The following NEK6 variants were observed in gnomAD, a reference collection of about 807,000 sequenced individuals.
NEK6 encodes the protein NIMA related kinase 6, also known as serine/threonine-protein kinase Nek6.
A neutral mutation model predicts 43.5 loss-of-function variants in NEK6; 27 were observed. That is an observed-to-expected ratio of 0.62 (90% CI 0.46 to 0.86). The LOEUF (loss-of-function observed/expected upper bound fraction) is 0.86, where lower values mean the gene tolerates loss of function less well. Ranked by LOEUF, NEK6 falls within the 40% of genes least tolerant of loss-of-function variation. The pLI, the probability that NEK6 is intolerant of heterozygous loss-of-function variation, is 0.00. For synonymous variants in NEK6, 167 were observed against 164.1 expected (o/e 1.02, Z -0.14); for missense variants, 318 against 414.4 (o/e 0.77, Z 2.02).
intron 1 of NEK6, chr9:124,292,417 G>A: frequency 5.9e-6 from 9 of 1,534,490 alleles, no homozygotes; most frequent in South Asian, 2.4e-5. Flanking sequence ...TCTCTAGGGT[G>A]GGTTTTGTCT....
rs528541144 is a variant in NEK6 at position 124,312,031 on chromosome 9, C to T, written c.91-478C>T. Among the ~76,000 whole-genome samples the T allele has an allele frequency of 2.0e-5, 3 of 152,278 alleles. No individual in the cohort carries two copies. The South Asian group carries it at 6.2e-4, about 32-fold the overall frequency. On this transcript the variant is annotated intron_variant, in intron 2 of 9. Coordinates refer to ENST00000320246, the MANE Select transcript of NEK6 (RefSeq NM_014397.6). The stretch of plus-strand genomic sequence containing the variant: ...TGGTTTTCTTGTCTGAGATGGGGAA[C>T]GGCTGCCCCAGGAAGGGAACTTGCC...
intron 1 of NEK6, among the ~76,000 whole-genome samples, chr9:124,300,393 G>A (rs1282319130): frequency 6.6e-6 from 1 of 152,134 alleles, no homozygotes; most frequent in Non-Finnish European, 1.5e-5. Flanking sequence ...GTTAATGGGG[G>A]CGTGGGTCTA....
At chr9:124,267,017 G>A (rs887327969) in intron 1 of NEK6, among the ~76,000 whole-genome samples, 2 of 152,240 alleles carry the variant, frequency 1.3e-5, no homozygotes, top group Admixed American at 6.5e-5. Flanking sequence ...CTGCATAGGA[G>A]GGCTTTGGGT....
intron 1 of NEK6, among the ~76,000 whole-genome samples, chr9:124,288,326 G>A (rs1472893574): frequency 6.6e-6 from 1 of 152,140 alleles, no homozygotes; most frequent in Non-Finnish European, 1.5e-5. Flanking sequence ...GAGTGCAGTG[G>A]CGCGACCTCA....
At chr9:124,302,810 G>C (rs1440668529) in intron 2 of NEK6, among the ~76,000 whole-genome samples, 2 of 152,240 alleles carry the variant, frequency 1.3e-5, no homozygotes, top group African/African-American at 2.4e-5. Context: ...ATCTCACTGG[G>C]GCACTAGTTC....
intron 1 of NEK6, among the ~76,000 whole-genome samples, chr9:124,296,860 C>T (rs1266564274): frequency 6.6e-6 from 1 of 152,228 alleles, no homozygotes; most frequent in African/African-American, 2.4e-5. Context: ...GAGGCAAGGG[C>T]CCAATGACAG....
At chr9:124,313,795 G>C (rs578109303) in intron 3 of NEK6, 128 bp from the exon 4 acceptor site, 40 of 853,188 alleles carry the variant, frequency 4.7e-5, no homozygotes, top group South Asian at 6.3e-5. Flanking sequence ...GGGAGTGCAG[G>C]GGGGGGTCAC....
At chr9:124,281,170 T>C (rs1831886044) in intron 1 of NEK6, among the ~76,000 whole-genome samples, 1 of 152,244 alleles carries the variant, frequency 6.6e-6, no homozygotes, top group South Asian at 2.1e-4. Context: ...TGGGGGCCTC[T>C]TCCCTCAGAC....
intron 1 of NEK6, among the ~76,000 whole-genome samples, chr9:124,269,614 C>G (rs758323071): frequency 1.3e-5 from 2 of 152,018 alleles, no homozygotes; most frequent in Admixed American, 6.6e-5. Context: ...CCGCCTGCCT[C>G]GGTGGACTTT....
chr9:124,316,802 G>A lies in NEK6; in HGVS notation c.294+2817G>A, dbSNP rs1007307070. 3.9e-5 allele frequency among the ~76,000 whole-genome samples: 6 copies of A among 152,222 alleles called. No homozygotes were observed. The South Asian group carries it at 6.2e-4, about 16-fold the overall frequency. On this transcript the variant is annotated intron_variant, in intron 4 of 9. Transcript: ENST00000320246. ...CTTCCTTAACCCCCTGCCCTCAGACGTGCAGGGAAATGGGGGAGGAGTCTC... is the reference window on the plus strand; with the variant it reads ...CTTCCTTAACCCCCTGCCCTCAGACATGCAGGGAAATGGGGGAGGAGTCTC...
chr9:124,303,644 G>T (rs1466466406), intron 2 of NEK6, among the ~76,000 whole-genome samples: 1 of 152,142 alleles, frequency 6.6e-6, no homozygotes, highest in African/African-American at 2.4e-5. Context: ...GGGTCCATGG[G>T]GCATCTATGC....
intron 7 of NEK6, among the ~76,000 whole-genome samples, chr9:124,331,274 C>CAAAAA (rs56150651): frequency 7.4e-6 from 1 of 135,168 alleles, no homozygotes; most frequent in African/African-American, 2.7e-5. Flanking sequence ...AAAAAAAAAA[C>CAAAAA]AAAACATTTT....
intron 1 of NEK6, among the ~76,000 whole-genome samples, chr9:124,266,093 T>C (rs1810515944): frequency 6.6e-6 from 1 of 152,152 alleles, no homozygotes; most frequent in African/African-American, 2.4e-5. Flanking sequence ...GCCAGAGGGC[T>C]GAGAGGGCTG....
Position 124,326,719 on chromosome 9 carries a change from G to C in NEK6, c.514+281G>C, listed in dbSNP as rs1164255055. On this transcript the variant is annotated intron_variant, in intron 6 of 9. Coordinates refer to ENST00000320246, the MANE Select transcript of NEK6 (RefSeq NM_014397.6). This position sits in a 1 kb window ranked among gnomAD's most constrained non-coding sequence, Gnocchi z 4.5. ...CTGGGAGGGAGGTCGAGGAAGCCTCGCACAGAGGGGACTTTCATGGGGGCT... is the reference window on the plus strand; with the variant it reads ...CTGGGAGGGAGGTCGAGGAAGCCTCCCACAGAGGGGACTTTCATGGGGGCT... 2.6e-5 allele frequency among the ~76,000 whole-genome samples: 4 copies of C among 152,172 alleles called. No homozygotes were observed. Among genetic ancestry groups the C allele is most frequent in the Admixed American group, 6.5e-5 (1 of 15,292 alleles).
At position 124,327,322 on chromosome 9, in the gene NEK6, TCTC is replaced by T. The variant is rs758215661; in HGVS notation, c.515-12_515-10del. 2.7e-5 allele frequency: 44 copies of T among 1,611,584 alleles called. No individual in the cohort carries two copies. In the East Asian group the frequency reaches 5.6e-4, roughly 20 times the overall value. On this transcript the variant is annotated splice_polypyrimidine_tract_variant and intron_variant, in intron 6 of 9. Transcript: ENST00000320246. Reference sequence around the variant, plus strand: ...GCCTCCTACCCCACACCAATCTCCTTCTCCTCGCCCTGCAGACATCAAGCCTGC... The same window carrying T: ...GCCTCCTACCCCACACCAATCTCCTTCTCGCCCTGCAGACATCAAGCCTGC...
intron 7 of NEK6, among the ~76,000 whole-genome samples, chr9:124,332,016 A>G (rs981676321): frequency 1.1e-4 from 16 of 152,172 alleles, no homozygotes; most frequent in African/African-American, 3.9e-4. Context: ...TGGCAGTCAC[A>G]GGTCTGCCAC....
chr9:124,319,643 T>C (rs1271841628), intron 4 of NEK6, among the ~76,000 whole-genome samples: 1 of 152,212 alleles, frequency 6.6e-6, no homozygotes, highest in African/African-American at 2.4e-5. Flanking sequence ...TGGTGAAAAG[T>C]AGGGGTTCCG....
chr9:124,295,995 T>C (rs1314589854), intron 1 of NEK6, among the ~76,000 whole-genome samples: 1 of 152,260 alleles, frequency 6.6e-6, no homozygotes, highest in Admixed American at 6.5e-5. Flanking sequence ...CCCGTGGATG[T>C]TGGCTGATGT....
chr9:124,290,319 C>T (rs1169707824), intron 1 of NEK6, among the ~76,000 whole-genome samples: 3 of 152,236 alleles, frequency 2.0e-5, no homozygotes, highest in Non-Finnish European at 4.4e-5. Flanking sequence ...GCCACACGCA[C>T]CAGGTCCTGA....
Sources: allele counts gnomAD v4.1 joint callset (sites outside exome capture counted in the v4.1 genomes callset), GRCh38; gene constraint gnomAD v4.1.1; non-coding constraint Gnocchi (gnomAD v3.1); transcripts MANE v1.5; gene names NCBI Gene and HGNC (gene_info 2026-07-23, HGNC 2026-07-21).